RGMA: variants seen among roughly 807,000 people sequenced by gnomAD.
RGMA encodes repulsive guidance molecule BMP co-receptor a.
In RGMA, 10 loss-of-function variants were observed where a neutral mutation model predicts 23.2. The observed-to-expected ratio is 0.43, with a 90% CI of 0.27 to 0.73. RGMA has a LOEUF of 0.73. Ranked by LOEUF, RGMA falls within the 30% of genes least tolerant of loss-of-function variation. The pLI is 0.20. For missense variants in RGMA, 547 were observed against 630.5 expected, an observed-to-expected ratio of 0.87 and a Z score of 1.42; for synonymous variants, 308 against 279.3, an observed-to-expected ratio of 1.10 and a Z score of -1.03.
intron 3 of RGMA, among the ~76,000 whole-genome samples, chr15:93,050,487 G>A (rs999722830): frequency 2.0e-5 from 3 of 152,318 alleles, no homozygotes; most frequent in East Asian, 1.9e-4. Flanking sequence ...GAGATCAAAG[G>A]TGGCCTTCGG....
intron 3 of RGMA, among the ~76,000 whole-genome samples, chr15:93,049,785 C>T (rs1270855536): frequency 3.3e-5 from 5 of 152,230 alleles, no homozygotes; most frequent in Non-Finnish European, 5.9e-5. Flanking sequence ...GAGAGGCCCT[C>T]AAGGGCAGGT....
rs948038912 is a variant in RGMA, at chr15:93,080,237, C to T, written c.15-7206G>A. On this transcript the variant is annotated intron_variant, in intron 1 of 3. Transcript: ENST00000329082. ...TTTTTGAGACAAAGTCTTGCTCTGT[C>T]GCCCAGGCTGGAGTAGCATGGCACA... Among the ~76,000 whole-genome samples the T allele has an allele frequency of 4.6e-5, 7 of 152,134 alleles. 1 individual carries two copies. The South Asian group carries it at 6.2e-4, about 14-fold the overall frequency.
chr15:93,076,345 G>A (rs764549921), intron 1 of RGMA, among the ~76,000 whole-genome samples: 3 of 152,178 alleles, frequency 2.0e-5, no homozygotes, highest in Non-Finnish European at 4.4e-5. Flanking sequence ...TTCTGCATAC[G>A]GCTGAAGTCT....
In RGMA at chr15:93,044,801, G is replaced by T; in HGVS notation, c.*197C>A. 1 of 599,314 alleles carries T rather than the reference G, an allele frequency of 1.7e-6. No individual in the cohort carries two copies. Among genetic ancestry groups the T allele is most frequent in the Non-Finnish European group, 3.0e-6 (1 of 336,784 alleles). The allele number at this position is 599,314 out of a possible 1,614,324, so 37.1% of individuals were successfully genotyped here. A position where few individuals can be genotyped will look rare whatever the true frequency, so the allele number is the denominator to read the frequency against. ...ACACAGCTCTACTGTCAAACATCAT[G>T]GCACCAGTCACCACAACCTTGTCAC... is the stretch of plus-strand genomic sequence containing the variant. On this transcript the variant is annotated 3_prime_UTR_variant, in exon 4 of 4. Transcript: ENST00000329082.
chr15:93,074,053 G>A (rs955636238), intron 1 of RGMA: 2 of 1,348,424 alleles, frequency 1.5e-6, no homozygotes, highest in Admixed American at 3.4e-5. Flanking sequence ...AGGTTCCCTG[G>A]GCCCTGCAGT....
rs2054790494 is a variant in RGMA at position 93,044,940 on chromosome 15, G to A, written c.*58C>T. On this transcript the variant is annotated 3_prime_UTR_variant, in exon 4 of 4. Coordinates refer to ENST00000329082, the MANE Select transcript of RGMA (RefSeq NM_020211.3). Reference sequence around the variant, plus strand: ...GATCTGCACCCCGTGGGCGGTCCCAGCCCACACATGGGGAAGCCGAGAGGA... The same window carrying A: ...GATCTGCACCCCGTGGGCGGTCCCAACCCACACATGGGGAAGCCGAGAGGA... The A allele has an allele frequency of 1.4e-6, 2 of 1,435,286 alleles. No homozygotes were observed. The highest frequency in any genetic ancestry group is 9.4e-7 in the Non-Finnish European group (1 of 1,059,788). The allele number at this position is 1,435,286 out of a possible 1,614,324, so 88.9% of individuals were successfully genotyped here. A position where few individuals can be genotyped will look rare whatever the true frequency, so the allele number is the denominator to read the frequency against.
chr15:93,067,789 C>T (rs1242416542), intron 2 of RGMA, among the ~76,000 whole-genome samples: 1 of 152,156 alleles, frequency 6.6e-6, no homozygotes, highest in Non-Finnish European at 1.5e-5. Context: ...TTCTGATGCT[C>T]CAAAGCAGGC....
chr15:93,067,249 T>A (rs532858291), intron 2 of RGMA, among the ~76,000 whole-genome samples: 1 of 151,896 alleles, frequency 6.6e-6, no homozygotes, highest in African/African-American at 2.4e-5. Context: ...CCAGAAAAAA[T>A]TATTTTGGAA....
intron 2 of RGMA, among the ~76,000 whole-genome samples, chr15:93,064,070 C>T (rs941912829): frequency 2.6e-5 from 4 of 152,198 alleles, no homozygotes; most frequent in African/African-American, 7.2e-5. Context: ...TCCCATCCCC[C>T]AGTTCCTCCT....
chr15:93,074,610 G>C (rs1895438839), intron 1 of RGMA, among the ~76,000 whole-genome samples: 1 of 152,216 alleles, frequency 6.6e-6, no homozygotes, highest in African/African-American at 2.4e-5. Flanking sequence ...AGATCGACAA[G>C]CTCTAAATAT....
intron 3 of RGMA, among the ~76,000 whole-genome samples, chr15:93,050,710 A>C (rs1396963978): frequency 6.6e-6 from 1 of 151,776 alleles, no homozygotes; most frequent in Non-Finnish European, 1.5e-5. Context: ...TGGTGCTTCC[A>C]CCCCCTGGGG....
intron 1 of RGMA, among the ~76,000 whole-genome samples, chr15:93,085,019 TA>T (rs981622357): frequency 1.2e-4 from 18 of 152,248 alleles, no homozygotes; most frequent in African/African-American, 4.3e-4. Flanking sequence ...CTACAAAGGA[TA>T]AAAATGGGTT....
At chr15:93,066,897 C>G (rs901097661) in intron 2 of RGMA, among the ~76,000 whole-genome samples, 4 of 152,226 alleles carry the variant, frequency 2.6e-5, no homozygotes, top group African/African-American at 9.6e-5. Context: ...CTGGCTCTGC[C>G]ATGCAACTGG....
chr15:93,051,947 A>G, intron 3 of RGMA, 46 bp downstream of exon 3: 2 of 1,530,514 alleles, frequency 1.3e-6, no homozygotes, highest in South Asian at 2.4e-5. Flanking sequence ...CGCAGGGCAG[A>G]GACAAAGGGC....
chr15:93,088,170 A>T (rs62045493), intron 1 of RGMA: 163,495 of 764,370 alleles, frequency 0.21, 18,326 homozygotes, highest in Middle Eastern at 0.29. Flanking sequence ...TCTACCTCCG[A>T]GCAAGTCTAA....
At chr15:93,058,365 A>G (rs1476659786) in intron 2 of RGMA, among the ~76,000 whole-genome samples, 1 of 152,150 alleles carries the variant, frequency 6.6e-6, no homozygotes, top group Non-Finnish European at 1.5e-5. Flanking sequence ...GACCTTTCTG[A>G]GCTACAGGCA....
At chr15:93,047,346 A>G (rs2054840137) in intron 3 of RGMA, among the ~76,000 whole-genome samples, 1 of 152,134 alleles carries the variant, frequency 6.6e-6, no homozygotes, top group Admixed American at 6.5e-5. Context: ...CTGTTTTGCC[A>G]TGGGAGCTCT....
chr15:93,073,637 C>CGGTGCA, intron 1 of RGMA: 1 of 1,537,120 alleles, frequency 6.5e-7, no homozygotes, highest in Non-Finnish European at 8.7e-7. Flanking sequence ...GACGCGACAC[C>CGGTGCA]GGTGCAGGAG....
intron 2 of RGMA, among the ~76,000 whole-genome samples, chr15:93,052,966 G>A (rs573770764): frequency 3.9e-5 from 6 of 152,294 alleles, no homozygotes; most frequent in Admixed American, 1.3e-4. Flanking sequence ...ATGGCCTCCC[G>A]TCTCTGTGCC....
Sources: allele counts gnomAD v4.1 joint callset (sites outside exome capture counted in the v4.1 genomes callset), GRCh38; gene constraint gnomAD v4.1.1; transcripts MANE v1.5; gene names NCBI Gene and HGNC (gene_info 2026-07-23, HGNC 2026-07-21).